The following SLC4A10 variants were observed in gnomAD, a reference collection of about 807,000 sequenced individuals.
SLC4A10 encodes solute carrier family 4 member 10.
Under a neutral mutation model 137.7 loss-of-function variants are expected in SLC4A10, and 42 were observed. The observed-to-expected ratio is 0.30, with a 90% CI of 0.24 to 0.39. SLC4A10 has a LOEUF of 0.39. SLC4A10 is among the 10% of genes least tolerant of loss of function. The pLI is 1.00. For missense variants in SLC4A10, 925 were observed against 1,355.0 expected (o/e 0.68, Z 4.98); for synonymous variants, 474 against 464.1 (o/e 1.02, Z -0.27).
intron 1 of SLC4A10, among the ~76,000 whole-genome samples, chr2:161,702,372 A>C (rs1257610683): frequency 6.6e-6 from 1 of 151,934 alleles, no homozygotes; most frequent in Non-Finnish European, 1.5e-5. Context: ...TTTTTTAAAC[A>C]ATGAAAACTT....
In SLC4A10 at chr2:161,883,389, T is replaced by C. The variant is rs533358776; in HGVS notation, c.1194+945T>C. ...ATTTGAACTTGTTTTGGGGGTTAAATATTATAAATTCTTCAATCTGTCCAA... is the reference window on the plus strand; with the variant it reads ...ATTTGAACTTGTTTTGGGGGTTAAACATTATAAATTCTTCAATCTGTCCAA... On this transcript the variant is annotated intron_variant, in intron 10 of 26. Coordinates refer to ENST00000446997, the MANE Select transcript of SLC4A10 (RefSeq NM_001178015.2). 5.3e-5 allele frequency among the ~76,000 whole-genome samples: 8 copies of C among 152,308 alleles called. No individual in the cohort carries two copies. The South Asian group carries it at 1.7e-3, about 32-fold the overall frequency.
chr2:161,630,289 C>G (rs1553466104), intron 1 of SLC4A10, among the ~76,000 whole-genome samples: 1 of 151,622 alleles, frequency 6.6e-6, no homozygotes, highest in Non-Finnish European at 1.5e-5. Context: ...GGTTTGTAGT[C>G]TTCTTTTCTT....
At chr2:161,891,844 A>G (rs1285582447) in intron 10 of SLC4A10, among the ~76,000 whole-genome samples, 1 of 152,010 alleles carries the variant, frequency 6.6e-6, no homozygotes, top group Non-Finnish European at 1.5e-5. Flanking sequence ...CCTTGCTGGC[A>G]AGGAGTTGTG....
intron 6 of SLC4A10, among the ~76,000 whole-genome samples, 165 bp from the exon 7 acceptor site, chr2:161,872,128 G>A (rs2061166622): frequency 6.6e-6 from 1 of 152,032 alleles, no homozygotes; most frequent in African/African-American, 2.4e-5. Context: ...CTGATAATAA[G>A]AATGTTTGTA....
At chr2:161,951,551 G>A (rs560036307) in intron 19 of SLC4A10, among the ~76,000 whole-genome samples, 2 of 152,230 alleles carry the variant, frequency 1.3e-5, no homozygotes, top group African/African-American at 2.4e-5. Context: ...ATCATTAAAT[G>A]GTTAAAAATA....
intron 1 of SLC4A10, among the ~76,000 whole-genome samples, chr2:161,747,624 A>G (rs2048520084): frequency 6.6e-6 from 1 of 152,114 alleles, no homozygotes; most frequent in Non-Finnish European, 1.5e-5. Context: ...CTGTTTGGCC[A>G]TCTTGCTCCA....
intron 11 of SLC4A10, among the ~76,000 whole-genome samples, chr2:161,899,333 T>C (rs1048093227): frequency 6.6e-6 from 1 of 152,092 alleles, no homozygotes; most frequent in African/African-American, 2.4e-5. Context: ...TTCATTCCCT[T>C]TTATAACAAA....
chr2:161,957,019 A>G lies in SLC4A10; in HGVS notation c.2572A>G (p.Met858Val), dbSNP rs1234504928. ...TTGTGGGTACCATCTGGACCTATTA[A>G]TGGTGGCTGTCATGCTCGGTGTATG... The part of the protein sequence containing the change: ...KGCGYHLDLL[M>V]VAVMLGVCSI... The change falls in exon 20 of 27, where the codon ATG becomes GTG. Residue 858 changes from methionine (M) to valine (V), a missense_variant. Met to Val is a conservative substitution (Grantham distance 21). Around this residue, in one of 11 missense-constraint regions of SLC4A10, gnomAD observed 0 missense variants for 16.2 expected, o/e 0.00. Transcript: ENST00000446997. 6.3e-7 allele frequency: 1 copy of G among 1,599,128 alleles called. No individual in the cohort carries two copies. Among genetic ancestry groups the G allele is most frequent in the Non-Finnish European group, 8.5e-7 (1 of 1,172,706 alleles).
At chr2:161,777,935 T>C (rs1273208030) in intron 2 of SLC4A10, among the ~76,000 whole-genome samples, 1 of 152,012 alleles carries the variant, frequency 6.6e-6, no homozygotes, top group African/African-American at 2.4e-5. Context: ...TTTTACTCAT[T>C]ACATCTCTTT....
intron 4 of SLC4A10, among the ~76,000 whole-genome samples, chr2:161,847,360 T>G (rs2059571136): frequency 6.6e-6 from 1 of 151,928 alleles, no homozygotes; most frequent in Admixed American, 6.6e-5. Flanking sequence ...TTCCAACTTT[T>G]ATTTTAGGTT....
chr2:161,674,722 T>C (rs1482612785), intron 1 of SLC4A10, among the ~76,000 whole-genome samples: 1 of 152,228 alleles, frequency 6.6e-6, no homozygotes, highest in African/African-American at 2.4e-5. Flanking sequence ...TCTTCATCCC[T>C]ACCTTTTACA....
At chr2:161,637,121 C>CTA (rs1051981168) in intron 1 of SLC4A10, among the ~76,000 whole-genome samples, 2 of 128,744 alleles carry the variant, frequency 1.6e-5, no homozygotes, top group Non-Finnish European at 3.4e-5. Context: ...GTATATATAT[C>CTA]TATATACATA....
In SLC4A10 at chr2:161,904,871, A is replaced by G. The variant is rs1319831700; in HGVS notation, c.1713A>G (p.Pro571=). The G allele has an allele frequency of 5.0e-6, 8 of 1,613,958 alleles. No individual in the cohort carries two copies. The highest frequency in any genetic ancestry group is 6.8e-6 in the Non-Finnish European group (8 of 1,179,870). ...QPLTILGSTG[P]VLVFEKILFK... is the part of the protein sequence containing the mutation. ...TTACCATATTAGGCAGTACAGGACCAGTTTTGGTGTTTGAAAAGATTTTGT... is the reference window on the plus strand; with the variant it reads ...TTACCATATTAGGCAGTACAGGACCGGTTTTGGTGTTTGAAAAGATTTTGT... Residue 571 remains proline, a synonymous_variant, in exon 14 of 27, where the codon CCA becomes CCG. Transcript: ENST00000446997.
chr2:161,663,159 G>A (rs917280266), intron 1 of SLC4A10, among the ~76,000 whole-genome samples: 12 of 152,076 alleles, frequency 7.9e-5, no homozygotes, highest in Non-Finnish European at 7.4e-5. Context: ...TTTTATAACA[G>A]CCATATCTTG....
At position 161,719,587 on chromosome 2, in the gene SLC4A10, T is replaced by C. The variant is rs537659795; in HGVS notation, c.49-51386T>C. Among the ~76,000 whole-genome samples the C allele has an allele frequency of 6.3e-3, 953 of 152,176 alleles. 7 individuals carry two copies. Among genetic ancestry groups the C allele is most frequent in the African/African-American group, 0.022 (904 of 41,530 alleles). ...TGTTGTTTCCTGACTTTTTAATGAT[T>C]GCCATTCTAACTGGTGTGAGATGGT... On this transcript the variant is annotated intron_variant, in intron 1 of 26. Coordinates refer to ENST00000446997, the MANE Select transcript of SLC4A10 (RefSeq NM_001178015.2).
intron 2 of SLC4A10, among the ~76,000 whole-genome samples, chr2:161,781,908 TG>T (rs563149028): frequency 1.9e-3 from 293 of 152,092 alleles, no homozygotes; most frequent in African/African-American, 6.7e-3. Context: ...ACCATACAAT[TG>T]GGAAAAGAGT....
chr2:161,831,629 A>G (rs2125741967), intron 3 of SLC4A10, among the ~76,000 whole-genome samples: 1 of 152,278 alleles, frequency 6.6e-6, no homozygotes, highest in South Asian at 2.1e-4. Flanking sequence ...AAGACCTAGT[A>G]AAGATTTCTA....
At chr2:161,782,289 C>T (rs1046342299) in intron 2 of SLC4A10, among the ~76,000 whole-genome samples, 3 of 152,014 alleles carry the variant, frequency 2.0e-5, no homozygotes, top group Non-Finnish European at 4.4e-5. Context: ...ACACCTGGGG[C>T]TACAAGAAAT....
At chr2:161,840,707 G>A (rs879004192) in intron 4 of SLC4A10, among the ~76,000 whole-genome samples, 1 of 152,156 alleles carries the variant, frequency 6.6e-6, no homozygotes, top group African/African-American at 2.4e-5. Context: ...CTGTGATACA[G>A]GTGTGCACAA....
Sources: allele counts gnomAD v4.1 joint callset (sites outside exome capture counted in the v4.1 genomes callset), GRCh38; gene constraint gnomAD v4.1.1; regional missense constraint gnomAD v4.1.1; transcripts MANE v1.5; gene names NCBI Gene and HGNC (gene_info 2026-07-23, HGNC 2026-07-21).